The following LMOD1 variants were observed in gnomAD, a reference collection of about 807,000 sequenced individuals.
LMOD1 encodes leiomodin 1.
Under a neutral mutation model 36.5 loss-of-function variants are expected in LMOD1, and 8 were observed. The ratio of observed to expected loss-of-function variants is 0.22; its 90% CI spans 0.13 to 0.40. LMOD1 has a LOEUF of 0.40. Ranked by LOEUF, LMOD1 falls within the 10% of genes least tolerant of loss-of-function variation. LMOD1 has a pLI of 1.00. For synonymous variants in LMOD1, 284 were observed against 288.7 expected (o/e 0.98, Z 0.17); for missense variants, 630 against 751.1 (o/e 0.84, Z 1.88).
intron 1 of LMOD1, among the ~76,000 whole-genome samples, chr1:201,931,272 C>T (rs1250346593): frequency 2.6e-5 from 4 of 152,180 alleles, no homozygotes; most frequent in East Asian, 1.9e-4. Context: ...CGGTGGCTCA[C>T]GCCTGTAATT....
chr1:201,901,843 A>C (rs1051874785), intron 1 of LMOD1, among the ~76,000 whole-genome samples: 3 of 148,920 alleles, frequency 2.0e-5, no homozygotes, highest in African/African-American at 7.4e-5. Context: ...TGAGATACAG[A>C]AATTTTATAA....
chr1:201,930,044 G>T (rs1244997168), intron 1 of LMOD1, among the ~76,000 whole-genome samples: 1 of 152,120 alleles, frequency 6.6e-6, no homozygotes, highest in East Asian at 1.9e-4. Context: ...ATGTTCAAAG[G>T]CACAGAGGAA....
At chr1:201,911,073 A>G (rs1681488956) in intron 1 of LMOD1, among the ~76,000 whole-genome samples, 1 of 152,110 alleles carries the variant, frequency 6.6e-6, no homozygotes, top group Admixed American at 6.6e-5. Context: ...TCCTGCCAGG[A>G]GCTCCCTGCA....
chr1:201,901,673 T>A (rs546189178), intron 1 of LMOD1, among the ~76,000 whole-genome samples: 1 of 98,832 alleles, frequency 1.0e-5, no homozygotes, highest in Non-Finnish European at 2.0e-5. Context: ...TATATATATA[T>A]ACACATATAT....
At chr1:201,904,222 T>G (rs1409336566) in intron 1 of LMOD1, among the ~76,000 whole-genome samples, 2 of 152,216 alleles carry the variant, frequency 1.3e-5, no homozygotes, top group South Asian at 4.1e-4. Flanking sequence ...TCTTCTTTTT[T>G]TCTTTGAGAT....
chr1:201,900,202 C>A lies in LMOD1; in HGVS notation c.811G>T (p.Val271Phe). ...TCATGTAAGGGTTCATTCTTCTTGA[C>A]TTTTTCATCGTCCTTTTTGGTGTCT... ...NTDTKKDDEKVKKNEPLHEKE... is the reference protein window; with the variant it reads ...NTDTKKDDEKFKKNEPLHEKE... Residue 271 changes from valine (V) to phenylalanine (F), a missense_variant, in exon 2 of 3, where the codon GTC becomes TTC. Physicochemically the swap from Val to Phe is conservative, Grantham distance 50. This residue lies in a region of LMOD1 where 405 missense variants were observed against 400.6 expected (regional missense o/e 1.01). Transcript: ENST00000367288. 1 of 1,613,918 alleles carries A rather than the reference C, an allele frequency of 6.2e-7. No homozygotes were observed. The highest frequency in any genetic ancestry group is 1.1e-5 in the South Asian group (1 of 91,078).
At chr1:201,931,581 G>A (rs1681923576) in intron 1 of LMOD1, among the ~76,000 whole-genome samples, 1 of 151,614 alleles carries the variant, frequency 6.6e-6, no homozygotes, top group Non-Finnish European at 1.5e-5. Context: ...ATATAAAAAG[G>A]GAGAGAAAGG....
rs549495274 is a variant in LMOD1, at chr1:201,919,164, C to T, written c.262-18413G>A. Among the ~76,000 whole-genome samples, 16 of 151,640 alleles carry T rather than the reference C, an allele frequency of 1.1e-4. 1 individual carries two copies. The highest frequency in any genetic ancestry group is 3.6e-4 in the African/African-American group (15 of 41,336). ...CTTGGCCTCACTTTTGCTGGGATTA[C>T]AGGTGTGAGCCACCATGCCTGGCCT... On this transcript the variant is annotated intron_variant, in intron 1 of 2. Transcript: ENST00000367288.
At chr1:201,934,239 C>T (rs1017857718) in intron 1 of LMOD1, among the ~76,000 whole-genome samples, 4 of 152,222 alleles carry the variant, frequency 2.6e-5, no homozygotes, top group African/African-American at 9.7e-5. Context: ...TGAGGCTTAA[C>T]CTCTGACTAT....
chr1:201,925,371 A>G (rs1008757988), intron 1 of LMOD1, among the ~76,000 whole-genome samples: 1 of 152,228 alleles, frequency 6.6e-6, no homozygotes, highest in Non-Finnish European at 1.5e-5. Context: ...GTGGAAGCCC[A>G]TAAATCTTCA....
chr1:201,901,656 A>ATC, intron 1 of LMOD1, among the ~76,000 whole-genome samples: 1 of 79,276 alleles, frequency 1.3e-5, no homozygotes, highest in Admixed American at 1.7e-4. Context: ...ATACATATAT[A>ATC]TGTGTATATA....
chr1:201,909,226 C>G (rs997378545), intron 1 of LMOD1, among the ~76,000 whole-genome samples: 5 of 152,170 alleles, frequency 3.3e-5, no homozygotes, highest in Non-Finnish European at 5.9e-5. Context: ...AGCCAACCCA[C>G]TTGTGAGTGT....
chr1:201,901,596 G>GTGTGTGTA (rs1558234757), intron 1 of LMOD1, among the ~76,000 whole-genome samples: 1 of 62,900 alleles, frequency 1.6e-5, no homozygotes, highest in Non-Finnish European at 2.7e-5. Flanking sequence ...ATATATATAT[G>GTGTGTGTA]TATATATATA....
At chr1:201,901,130 A>G (rs765271200) in intron 1 of LMOD1, among the ~76,000 whole-genome samples, 1 of 152,186 alleles carries the variant, frequency 6.6e-6, no homozygotes, top group Non-Finnish European at 1.5e-5. Flanking sequence ...AGGCAAAAGG[A>G]GAAATACTAA....
intron 1 of LMOD1, among the ~76,000 whole-genome samples, chr1:201,912,058 G>A (rs551048481): frequency 1.1e-3 from 165 of 152,296 alleles, no homozygotes; most frequent in Middle Eastern, 6.8e-3. Flanking sequence ...GTCTGCTAAT[G>A]TATGTGGAGC....
intron 1 of LMOD1, among the ~76,000 whole-genome samples, chr1:201,930,281 G>T (rs1034414821): frequency 6.6e-6 from 1 of 152,180 alleles, no homozygotes; most frequent in Non-Finnish European, 1.5e-5. Context: ...CCAATGGCAC[G>T]AGAAGAGAGG....
chr1:201,926,941 AG>A lies in LMOD1; in HGVS notation c.261+19138del, dbSNP rs1681835384. 3.9e-5 allele frequency among the ~76,000 whole-genome samples: 6 copies of A among 152,214 alleles called. No individual in the cohort carries two copies. In the South Asian group the frequency reaches 1.2e-3, roughly 32 times the overall value. On this transcript the variant is annotated intron_variant, in intron 1 of 2. Transcript: ENST00000367288. Reference sequence around the variant, plus strand: ...CACTGCACCCCAGCCTGGGCAACAGAGCAAGACCTTGTCTCAAAAACAAACA... The same window carrying A: ...CACTGCACCCCAGCCTGGGCAACAGACAAGACCTTGTCTCAAAAACAAACA...
chr1:201,932,382 G>A (rs2644132), intron 1 of LMOD1, among the ~76,000 whole-genome samples: 1 of 152,042 alleles, frequency 6.6e-6, no homozygotes, highest in Admixed American at 6.6e-5. Context: ...TCTCGATAGA[G>A]AGGGTCAGGA....
At chr1:201,927,743 A>G (rs558338155) in intron 1 of LMOD1, among the ~76,000 whole-genome samples, 1 of 152,320 alleles carries the variant, frequency 6.6e-6, no homozygotes, top group Non-Finnish European at 1.5e-5. Flanking sequence ...AAATGGCGCA[A>G]TGTCAGCCCT....
Sources: allele counts gnomAD v4.1 joint callset (sites outside exome capture counted in the v4.1 genomes callset), GRCh38; gene constraint gnomAD v4.1.1; regional missense constraint gnomAD v4.1.1; transcripts MANE v1.5; gene names NCBI Gene and HGNC (gene_info 2026-07-23, HGNC 2026-07-21).